FGF13: variants seen among roughly 807,000 people sequenced by gnomAD.
FGF13 encodes the protein fibroblast growth factor homologous factor 2.
In FGF13, 2 loss-of-function variants were observed where a neutral mutation model predicts 19.5. The observed-to-expected ratio is 0.10, with a 90% confidence interval of 0.04 to 0.32. FGF13 has a LOEUF of 0.32. Among genes scored for constraint, FGF13 ranks in the 10% least tolerant of loss-of-function variants. The pLI, the probability that FGF13 is intolerant of heterozygous loss-of-function variation, is 1.00. For synonymous variants in FGF13, 72 were observed against 76.9 expected, an observed-to-expected ratio of 0.94 and a Z score of 0.33; for missense variants, 113 against 192.7, an observed-to-expected ratio of 0.59 and a Z score of 2.45.
intron 1 of FGF13, among the ~76,000 whole-genome samples, chrX:139,003,625 G>C (rs112829912): frequency 1.9e-4 from 2 of 10,801 alleles, no homozygotes; most frequent in Admixed American, 1.3e-3. Flanking sequence ...GTTAGATACA[G>C]AGTTTCCACA....
At chrX:139,197,131 C>T (rs750031644) in intron 1 of FGF13, among the ~76,000 whole-genome samples, 4 of 111,963 alleles carry the variant, frequency 3.6e-5, no homozygotes, top group Admixed American at 1.9e-4. Context: ...GGCATAGGAC[C>T]GATGAGTTTT....
chrX:138,921,477 G>A (rs761749645), intron 1 of FGF13, among the ~76,000 whole-genome samples: 7 of 111,672 alleles, frequency 6.3e-5, no homozygotes, highest in Non-Finnish European at 1.3e-4. Flanking sequence ...AATGTTGATT[G>A]AATAGGTATT....
At chrX:138,845,902 A>G (rs2091178164) in intron 3 of FGF13, among the ~76,000 whole-genome samples, 1 of 111,628 alleles carries the variant, frequency 9.0e-6, no homozygotes, top group Non-Finnish European at 1.9e-5. Context: ...GGCAGCTTCT[A>G]TAATCCCCAC....
chrX:139,180,460 T>A (rs1041595061), intron 1 of FGF13, among the ~76,000 whole-genome samples: 8 of 112,222 alleles, frequency 7.1e-5, no homozygotes, highest in Non-Finnish European at 1.5e-4. Flanking sequence ...AAGAATTCTA[T>A]CATCCAGAGT....
At chrX:139,160,551 G>T (rs183785178) in intron 1 of FGF13, among the ~76,000 whole-genome samples, 11 of 111,570 alleles carry the variant, frequency 9.9e-5, no homozygotes, top group African/African-American at 3.3e-4. Context: ...AGGAATCCAG[G>T]AGCTGATTTT....
intron 1 of FGF13, among the ~76,000 whole-genome samples, chrX:139,044,096 T>C (rs1030896925): frequency 1.8e-5 from 2 of 112,315 alleles, no homozygotes; most frequent in African/African-American, 6.5e-5. Context: ...GCCACTTAAT[T>C]GTATACTTCA....
At chrX:138,801,503 G>A (rs145583569) in intron 3 of FGF13, among the ~76,000 whole-genome samples, 5 of 111,420 alleles carry the variant, frequency 4.5e-5, no homozygotes, top group African/African-American at 6.5e-5. Flanking sequence ...CTGTTCTCTC[G>A]TATGTGGTGT....
chrX:138,673,864 CAAAGAA>C (rs933070031), intron 3 of FGF13, among the ~76,000 whole-genome samples: 3 of 110,520 alleles, frequency 2.7e-5, no homozygotes. Flanking sequence ...TCCATAGTAA[CAAAGAA>C]AAAGACAGAA....
chrX:138,657,592 C>T (rs976847155), intron 3 of FGF13, among the ~76,000 whole-genome samples: 2 of 111,996 alleles, frequency 1.8e-5, no homozygotes, highest in African/African-American at 3.2e-5. Flanking sequence ...GACGGAACTA[C>T]ATTGCCTACT....
chrX:138,758,221 A>G (rs1450172916), intron 3 of FGF13, among the ~76,000 whole-genome samples: 2 of 111,142 alleles, frequency 1.8e-5, no homozygotes, highest in African/African-American at 6.6e-5. Context: ...CTCCTCCCTC[A>G]ATGTACATAC....
chrX:138,665,783 G>C (rs375133942), intron 3 of FGF13, among the ~76,000 whole-genome samples: 11 of 110,868 alleles, frequency 9.9e-5, no homozygotes, highest in African/African-American at 3.3e-4. Context: ...AGTGACAAAA[G>C]TGTGTGCCTG....
chrX:138,960,626 C>T (rs1463946099), intron 1 of FGF13, among the ~76,000 whole-genome samples: 3 of 111,822 alleles, frequency 2.7e-5, no homozygotes, highest in Non-Finnish European at 3.8e-5. Flanking sequence ...TTCCATTCTC[C>T]CCGTCACTTT....
At chrX:138,888,404 T>C (rs1400189202) in intron 1 of FGF13, among the ~76,000 whole-genome samples, 1 of 111,327 alleles carries the variant, frequency 9.0e-6, no homozygotes, top group East Asian at 2.8e-4. Context: ...CTATCTCTTC[T>C]ACTTCTAGGA....
intron 3 of FGF13, among the ~76,000 whole-genome samples, chrX:138,819,223 A>C (rs899712056): frequency 2.7e-5 from 3 of 111,335 alleles, no homozygotes; most frequent in Admixed American, 9.6e-5. Flanking sequence ...CTGTAAATTA[A>C]AAATATTAAT....
chrX:139,197,558 C>A (rs1313814070), intron 1 of FGF13, among the ~76,000 whole-genome samples: 1 of 111,603 alleles, frequency 9.0e-6, no homozygotes, highest in Non-Finnish European at 1.9e-5. Flanking sequence ...GTGTGGGGCA[C>A]GGTGGGAGTC....
chrX:139,173,158 G>A (rs1341737136), intron 1 of FGF13, among the ~76,000 whole-genome samples: 1 of 111,800 alleles, frequency 8.9e-6, no homozygotes, highest in Non-Finnish European at 1.9e-5. Context: ...CAAAAGGACA[G>A]AAATATCTGT....
At chrX:138,808,182 T>A (rs1295344698) in intron 3 of FGF13, among the ~76,000 whole-genome samples, 1 of 111,763 alleles carries the variant, frequency 8.9e-6, no homozygotes, top group Non-Finnish European at 1.9e-5. Flanking sequence ...ATTGACCACA[T>A]AGTTGGAAGT....
chrX:139,110,028 G>A (rs1488005863), intron 1 of FGF13, among the ~76,000 whole-genome samples: 1 of 111,290 alleles, frequency 9.0e-6, no homozygotes, highest in Non-Finnish European at 1.9e-5. Context: ...ATCTGTGCAG[G>A]TTACTTAATT....
intron 1 of FGF13, among the ~76,000 whole-genome samples, chrX:139,158,305 T>C (rs1473495343): frequency 9.1e-6 from 1 of 109,455 alleles, no homozygotes; most frequent in Non-Finnish European, 1.9e-5. Flanking sequence ...GGGAGCCAAG[T>C]GGTCTAGCTC....
Sources: gnomAD v4.1 joint callset for allele counts (sites outside exome capture counted in the v4.1 genomes callset) on GRCh38, gnomAD v4.1.1 for gene constraint, MANE v1.5 for transcripts, NCBI Gene and HGNC (gene_info 2026-07-23, HGNC 2026-07-21) for gene names.